Variants in ZFAND3 observed in about 807,000 individuals in gnomAD.
ZFAND3 encodes the protein zinc finger AN1-type containing 3, also known as AN1-type zinc finger protein 3.
ZFAND3 carries 10 observed loss-of-function variants against 29.6 expected under a neutral mutation model. The ratio of observed to expected loss-of-function variants is 0.34; its 90% CI spans 0.21 to 0.57. ZFAND3 has a LOEUF of 0.57. Among genes scored for constraint, ZFAND3 ranks in the 20% least tolerant of loss-of-function variants. The pLI, the probability that ZFAND3 is intolerant of heterozygous loss-of-function variation, is 0.86. For missense variants in ZFAND3, 230 were observed against 304.5 expected (o/e 0.76, Z 1.82); for synonymous variants, 128 against 112.6 (o/e 1.14, Z -0.87).
chr6:38,098,848 G>A (rs1299826128), intron 4 of ZFAND3, among the ~76,000 whole-genome samples: 1 of 151,640 alleles, frequency 6.6e-6, no homozygotes, highest in Non-Finnish European at 1.5e-5. Context: ...ATTGTTAATT[G>A]GTTCTTGGAA....
At chr6:37,925,428 C>T (rs1035907140) in intron 1 of ZFAND3, among the ~76,000 whole-genome samples, 8 of 152,134 alleles carry the variant, frequency 5.3e-5, no homozygotes, top group African/African-American at 1.2e-4. Flanking sequence ...TTCTGCTGGA[C>T]GCGGTGGCTC....
At chr6:38,119,619 A>G (rs990837973) in intron 5 of ZFAND3, among the ~76,000 whole-genome samples, 2 of 152,224 alleles carry the variant, frequency 1.3e-5, no homozygotes, top group African/African-American at 2.4e-5. Flanking sequence ...TGTCATTTTC[A>G]TTAATTTCTA....
chr6:37,930,158 C>T (rs935454814), intron 2 of ZFAND3, among the ~76,000 whole-genome samples, 159 bp downstream of exon 2: 11 of 151,022 alleles, frequency 7.3e-5, no homozygotes, highest in Non-Finnish European at 1.2e-4. Context: ...TACCAAGGTG[C>T]TTCATATATT....
At chr6:37,913,139 G>C (rs1309627172) in intron 1 of ZFAND3, among the ~76,000 whole-genome samples, 1 of 152,162 alleles carries the variant, frequency 6.6e-6, no homozygotes, top group African/African-American at 2.4e-5. Flanking sequence ...CTGGGTGGGG[G>C]CTCTGGCAGT....
At chr6:38,051,226 A>AT (rs1171968834) in intron 2 of ZFAND3, among the ~76,000 whole-genome samples, 2 of 152,066 alleles carry the variant, frequency 1.3e-5, no homozygotes, top group African/African-American at 4.8e-5. Flanking sequence ...AGTGGGAATT[A>AT]TTTTTTTGTC....
At chr6:38,101,096 G>A (rs1382439978) in intron 4 of ZFAND3, among the ~76,000 whole-genome samples, 1 of 152,214 alleles carries the variant, frequency 6.6e-6, no homozygotes, top group Non-Finnish European at 1.5e-5. Flanking sequence ...AAATCTTTTA[G>A]TGAAGATGGT....
chr6:38,133,210 T>G (rs965507111), intron 5 of ZFAND3, among the ~76,000 whole-genome samples: 5 of 152,230 alleles, frequency 3.3e-5, no homozygotes, highest in Non-Finnish European at 7.3e-5. Context: ...ATATTGAAAT[T>G]GTCTGTTTAC....
chr6:37,821,657 G>C (rs1008550939), intron 1 of ZFAND3, among the ~76,000 whole-genome samples: 3 of 152,194 alleles, frequency 2.0e-5, no homozygotes, highest in African/African-American at 7.2e-5. Flanking sequence ...GTAACTCATT[G>C]TAAGACATAT....
At chr6:38,143,646 C>A (rs1430937489) in intron 5 of ZFAND3, among the ~76,000 whole-genome samples, 1 of 152,188 alleles carries the variant, frequency 6.6e-6, no homozygotes, top group African/African-American at 2.4e-5. Flanking sequence ...TGCAAGTTTT[C>A]CTTCTCTTTG....
intron 2 of ZFAND3, among the ~76,000 whole-genome samples, chr6:37,945,577 GT>G (rs1761887093): frequency 6.6e-6 from 1 of 152,122 alleles, no homozygotes; most frequent in South Asian, 2.1e-4. Flanking sequence ...GTTTTGCCAT[GT>G]TGGCTAGTCT....
chr6:38,136,077 G>A (rs73421866), intron 5 of ZFAND3, among the ~76,000 whole-genome samples: 10,380 of 152,248 alleles, frequency 0.068, 427 homozygotes, highest in Non-Finnish European at 0.087. Context: ...TGTGATGGTG[G>A]GTGTGGGAAG....
intron 2 of ZFAND3, among the ~76,000 whole-genome samples, chr6:37,966,619 A>G (rs576180322): frequency 2.6e-5 from 4 of 152,276 alleles, no homozygotes; most frequent in East Asian, 1.9e-4. Flanking sequence ...AAAAATCACC[A>G]TAACTTTGCT....
At chr6:37,952,896 C>T (rs538037899) in intron 2 of ZFAND3, among the ~76,000 whole-genome samples, 1 of 151,684 alleles carries the variant, frequency 6.6e-6, no homozygotes, top group East Asian at 1.9e-4. Flanking sequence ...TGCTGGTCTT[C>T]TTGATGGTCT....
At chr6:38,067,550 C>T (rs750276500) in intron 3 of ZFAND3, among the ~76,000 whole-genome samples, 6 of 152,238 alleles carry the variant, frequency 3.9e-5, no homozygotes, top group Non-Finnish European at 5.9e-5. Context: ...GTTGGACAAA[C>T]TCTTAAAAAG....
chr6:37,928,827 AT>A (rs1761538865), intron 1 of ZFAND3, among the ~76,000 whole-genome samples: 1 of 152,244 alleles, frequency 6.6e-6, no homozygotes, highest in East Asian at 1.9e-4. Flanking sequence ...CAGAAAAGTC[AT>A]TATTGATTGC....
chr6:38,105,487 C>G (rs1010053271), intron 4 of ZFAND3, among the ~76,000 whole-genome samples: 2 of 152,118 alleles, frequency 1.3e-5, no homozygotes, highest in African/African-American at 4.8e-5. Context: ...ACATATGTGA[C>G]ATTCTTGAAA....
At chr6:37,981,064 T>G (rs1762572444) in intron 2 of ZFAND3, among the ~76,000 whole-genome samples, 1 of 152,198 alleles carries the variant, frequency 6.6e-6, no homozygotes, top group Non-Finnish European at 1.5e-5. Flanking sequence ...GGGGTACATT[T>G]AAAGTACTGA....
At chr6:38,001,804 G>T (rs1035277769) in intron 2 of ZFAND3, among the ~76,000 whole-genome samples, 2 of 152,146 alleles carry the variant, frequency 1.3e-5, no homozygotes, top group Non-Finnish European at 2.9e-5. Context: ...AAGGTCAGAG[G>T]AATAAAAGTA....
rs546260584 is a variant in ZFAND3, at chr6:38,095,258, T to A, written c.361+12801T>A. Among the ~76,000 whole-genome samples, 5 of 152,322 alleles carry A rather than the reference T, an allele frequency of 3.3e-5. No individual in the cohort carries two copies. In the South Asian group the frequency reaches 1.0e-3, roughly 32 times the overall value. ...TTCAGGGCTAGCATCTGTGAGCCAT[T>A]GCATAAGAATCTCTGAGCCATGGAA... On this transcript the variant is annotated intron_variant, in intron 4 of 5. Coordinates refer to ENST00000287218, the MANE Select transcript of ZFAND3 (RefSeq NM_021943.3).
Sources: gnomAD v4.1 joint callset for allele counts (sites outside exome capture counted in the v4.1 genomes callset) on GRCh38, gnomAD v4.1.1 for gene constraint, MANE v1.5 for transcripts, NCBI Gene and HGNC (gene_info 2026-07-23, HGNC 2026-07-21) for gene names.